Variants in C2orf80 observed in about 807,000 individuals in gnomAD.
C2orf80 encodes the protein uncharacterized protein C2orf80.
C2orf80 carries 28 observed loss-of-function variants against 30.2 expected under a neutral mutation model. The observed-to-expected ratio is 0.93, with a 90% CI of 0.69 to 1.27. The LOEUF (loss-of-function observed/expected upper bound fraction) is 1.27, where lower values mean the gene tolerates loss of function less well. C2orf80 is among the 50% of genes most tolerant of loss of function. The probability of loss-of-function intolerance (pLI) is 0.00; values close to 1 mark genes in which losing one functional copy is unlikely to be tolerated. For missense variants in C2orf80, 220 were observed against 231.0 expected (o/e 0.95, Z 0.31); for synonymous variants, 80 against 76.4 (o/e 1.05, Z -0.24).
At chr2:208,183,759 GAGTA>G (rs1175536892) in intron 3 of C2orf80, among the ~76,000 whole-genome samples, 5 of 152,112 alleles carry the variant, frequency 3.3e-5, no homozygotes, top group Admixed American at 3.3e-4. Flanking sequence ...GGGCAGACCT[GAGTA>G]AGTGACTTGC....
intron 6 of C2orf80, among the ~76,000 whole-genome samples, chr2:208,176,882 CATAGGTGTA>C (rs1696319018): frequency 4.1e-5 from 4 of 98,624 alleles, no homozygotes; most frequent in African/African-American, 1.5e-4. Context: ...CATATGTATA[CATAGGTGTA>C]TATATATACA....
At chr2:208,188,141 C>T (rs1020964286) in intron 1 of C2orf80, among the ~76,000 whole-genome samples, 1 of 150,604 alleles carries the variant, frequency 6.6e-6, no homozygotes, top group Admixed American at 6.6e-5. Context: ...CACACACATC[C>T]TGTCAGTTCA....
At chr2:208,177,018 C>T (rs1338031867) in intron 6 of C2orf80, among the ~76,000 whole-genome samples, 1 of 34,434 alleles carries the variant, frequency 2.9e-5, no homozygotes, top group African/African-American at 1.1e-4. Context: ...TATACAGATA[C>T]ATATATACAG....
chr2:208,181,188 C>T, intron 5 of C2orf80, 30 bp downstream of exon 5: 2 of 1,380,218 alleles, frequency 1.4e-6, no homozygotes, highest in South Asian at 1.2e-5. Context: ...ATGAAATATT[C>T]ATATAGGCAG....
In C2orf80 at chr2:208,182,960, C is replaced by T; in HGVS notation, c.206+5G>A. ...GAGGAAAGCAACAAACCTACTTCAA[C>T]TTACAGTTCCTCCCACTCCAGCCAA... On this transcript the variant is annotated splice_donor_5th_base_variant and intron_variant, in intron 4 of 8. Coordinates refer to ENST00000341287, the MANE Select transcript of C2orf80 (RefSeq NM_001099334.3). 1 of 1,611,034 alleles carries T rather than the reference C, an allele frequency of 6.2e-7. No homozygotes were observed. Among genetic ancestry groups the T allele is most frequent in the Non-Finnish European group, 8.5e-7 (1 of 1,177,182 alleles).
At chr2:208,171,816 T>G (rs886925368) in intron 7 of C2orf80, among the ~76,000 whole-genome samples, 172 bp downstream of exon 7, 3 of 152,194 alleles carry the variant, frequency 2.0e-5, no homozygotes, top group African/African-American at 7.2e-5. Flanking sequence ...AAGACTTCCT[T>G]GATTTCAGTA....
At chr2:208,181,182 A>G in intron 5 of C2orf80, 36 bp downstream of exon 5, 7 of 1,345,136 alleles carry the variant, frequency 5.2e-6, no homozygotes, top group Non-Finnish European at 7.5e-6. Context: ...GTAGATATGA[A>G]ATATTCATAT....
chr2:208,176,950 T>TATGTATACAGATATGTATACAG, intron 6 of C2orf80, among the ~76,000 whole-genome samples: 1 of 32,890 alleles, frequency 3.0e-5, no homozygotes, highest in African/African-American at 1.0e-4. Flanking sequence ...TCTGTATACA[T>TATGTATACAGATATGTATACAG]ATCTGTATAC....
At position 208,184,937 on chromosome 2, in the gene C2orf80, G is replaced by T. The variant is rs200082747; in HGVS notation, c.123+14C>A. 1 of 1,600,758 alleles carries T rather than the reference G, an allele frequency of 6.2e-7. No individual in the cohort carries two copies. The highest frequency in any genetic ancestry group is 8.6e-7 in the Non-Finnish European group (1 of 1,168,540). On this transcript the variant is annotated intron_variant, in intron 3 of 8. Transcript: ENST00000341287. ...TAACACAAATATGACTCGCATCAGC[G>T]TGCCTTTCTTTACCATATCATCTAG...
chr2:208,185,596 C>T (rs1385997227), intron 2 of C2orf80, among the ~76,000 whole-genome samples: 1 of 151,958 alleles, frequency 6.6e-6, no homozygotes. Context: ...AAAATAAGCA[C>T]CATGAGGAGA....
Position 208,176,849 on chromosome 2 carries a change from T to C in C2orf80, c.366+3896A>G, listed in dbSNP as rs1365838718. On this transcript the variant is annotated intron_variant, in intron 6 of 8. Coordinates refer to ENST00000341287, the MANE Select transcript of C2orf80 (RefSeq NM_001099334.3). ...TACACAACCTGCCTCTCAGATAATA[T>C]ATCTATATATATACTATATATACAT... Among the ~76,000 whole-genome samples the C allele has an allele frequency of 8.7e-5, 5 of 57,796 alleles. No homozygotes were observed. The East Asian group carries it at 0.01, about 118-fold the overall frequency. 37.9% of individuals were successfully genotyped at this position (57,796 alleles called of 152,430 possible). A position where few individuals can be genotyped will look rare whatever the true frequency, so the allele number is the denominator to read the frequency against.
rs898588269 is a variant in C2orf80 at position 208,183,036 on chromosome 2, G to A, written c.135C>T (p.Asp45=). 6.2e-7 allele frequency: 1 copy of A among 1,613,920 alleles called. No individual in the cohort carries two copies. The highest frequency in any genetic ancestry group is 2.2e-5 in the East Asian group (1 of 44,882). Residue 45 remains aspartate (D), a synonymous_variant, in exon 4 of 9, where the codon GAC becomes GAT. Transcript: ENST00000341287. ...LTFLDDMAHY[D]LAISVALQWL... is the part of the protein sequence containing the mutation. ...ATTGCAAAGCAACACTGATGGCCAA[G>A]TCATAGTGTGCCTGGGAGCAGGAAG... is the stretch of plus-strand genomic sequence containing the variant.
Position 208,176,943 on chromosome 2 carries a change from G to GTA in C2orf80, c.366+3800_366+3801dup, listed in dbSNP as rs1340018568. Among the ~76,000 whole-genome samples, 31 of 87,714 alleles carry GTA rather than the reference G, an allele frequency of 3.5e-4. 4 individuals are homozygous for GTA. The highest frequency in any genetic ancestry group is 8.6e-4 in the African/African-American group (22 of 25,584). The allele number at this position is 87,714 out of a possible 152,430, so 57.5% of individuals were successfully genotyped here. On this transcript the variant is annotated intron_variant, in intron 6 of 8. Coordinates refer to ENST00000341287, the MANE Select transcript of C2orf80 (RefSeq NM_001099334.3). ...TCTGTATACATATGTATACATATCT[G>GTA]TATACATATCTGTATACATATGTAT...
At chr2:208,178,355 G>A (rs1696433898) in intron 6 of C2orf80, among the ~76,000 whole-genome samples, 1 of 152,164 alleles carries the variant, frequency 6.6e-6, no homozygotes, top group Non-Finnish European at 1.5e-5. Flanking sequence ...AACAGTGACT[G>A]AAACAGAAGG....
At position 208,170,988 on chromosome 2, in the gene C2orf80, C is replaced by T; in HGVS notation, c.530G>A (p.Trp177Ter). The T allele has an allele frequency of 6.2e-7, 1 of 1,614,122 alleles. No homozygotes were observed. Among genetic ancestry groups the T allele is most frequent in the Non-Finnish European group, 8.5e-7 (1 of 1,179,998 alleles). ...ISAKEANATE[W>*]KSSQRFSDTQ... ...GTCTGAAAACCTTTGTGATGATTTC[C>T]ATTCTGTGGCATTTGCTTCCTTTGC... is the stretch of plus-strand genomic sequence containing the variant. The change falls in exon 8 of 9, where the codon TGG (tryptophan) becomes TAG (stop). Residue 177 changes from tryptophan (W) to a stop codon, truncating the protein, a stop_gained. Coordinates refer to ENST00000341287, the MANE Select transcript of C2orf80 (RefSeq NM_001099334.3). LOFTEE classifies it high-confidence loss of function.
At chr2:208,179,147 T>C (rs1696469313) in intron 6 of C2orf80, among the ~76,000 whole-genome samples, 7 of 152,104 alleles carry the variant, frequency 4.6e-5, no homozygotes. Context: ...AACAGATGAG[T>C]GAATGAATGA....
intron 6 of C2orf80, among the ~76,000 whole-genome samples, chr2:208,174,697 G>T (rs890405394): frequency 6.6e-6 from 1 of 152,224 alleles, no homozygotes; most frequent in Non-Finnish European, 1.5e-5. Context: ...ACAAAGCTGG[G>T]ACTGGACATC....
intron 6 of C2orf80, among the ~76,000 whole-genome samples, chr2:208,173,715 T>G (rs1258812926): frequency 6.6e-6 from 1 of 152,122 alleles, no homozygotes; most frequent in Non-Finnish European, 1.5e-5. Flanking sequence ...GTGGTAAAAC[T>G]ATAAAGAAGT....
chr2:208,187,688 C>T (rs749315225), intron 1 of C2orf80, among the ~76,000 whole-genome samples: 3 of 151,950 alleles, frequency 2.0e-5, no homozygotes, highest in Non-Finnish European at 2.9e-5. Context: ...AATAGGGTAT[C>T]AACTCTATTT....
Sources: gnomAD v4.1 joint callset for allele counts (sites outside exome capture counted in the v4.1 genomes callset) on GRCh38, gnomAD v4.1.1 for gene constraint, MANE v1.5 for transcripts, NCBI Gene and HGNC (gene_info 2026-07-23, HGNC 2026-07-21) for gene names.